RABGEF1: variants seen among roughly 807,000 people sequenced by gnomAD.
RABGEF1 encodes RAB guanine nucleotide exchange factor 1, also known as rab5 GDP/GTP exchange factor.
Under a neutral mutation model 57.3 loss-of-function variants are expected in RABGEF1, and 26 were observed. The ratio of observed to expected loss-of-function variants is 0.45; its 90% CI spans 0.33 to 0.63. RABGEF1 has a LOEUF of 0.63. RABGEF1 is among the 20% of genes least tolerant of loss of function. The pLI is 0.02. For synonymous variants in RABGEF1, 185 were observed against 210.7 expected, an observed-to-expected ratio of 0.88 and a Z score of 1.06; for missense variants, 464 against 607.6, an observed-to-expected ratio of 0.76 and a Z score of 2.48.
intron 1 of RABGEF1, among the ~76,000 whole-genome samples, chr7:66,744,440 A>G (rs1799729624): frequency 2.0e-5 from 3 of 151,702 alleles, no homozygotes; most frequent in African/African-American, 4.8e-5. Context: ...AGGCTGAGGC[A>G]GGCGGATCAC....
intron 1 of RABGEF1, among the ~76,000 whole-genome samples, chr7:66,705,695 G>GTT (rs1439855354): frequency 7.0e-6 from 1 of 142,072 alleles, no homozygotes; most frequent in Non-Finnish European, 1.5e-5. Context: ...AGATACAAGT[G>GTT]TTTTTTTTTT....
chr7:66,793,917 C>T (rs1034248740), intron 4 of RABGEF1, among the ~76,000 whole-genome samples: 2 of 151,992 alleles, frequency 1.3e-5, no homozygotes, highest in African/African-American at 4.8e-5. Context: ...TGTGACAGCC[C>T]GTCCTGGGGG....
chr7:66,805,018 A>T, intron 7 of RABGEF1, 122 bp from the exon 8 acceptor site: 1 of 1,114,324 alleles, frequency 9.0e-7, no homozygotes, highest in Non-Finnish European at 1.3e-6. Context: ...ATACTAAGTT[A>T]ACTGCTGGAA....
At chr7:66,674,207 T>G in the RABGEF1 span, among the ~76,000 whole-genome samples, 1 of 151,764 alleles carries the variant, frequency 6.6e-6, no homozygotes, top group African/African-American at 2.4e-5. Flanking sequence ...TTTTTTTTTT[T>G]GTGATGGAGT....
chr7:66,672,559 T>C, the RABGEF1 span, among the ~76,000 whole-genome samples: 1 of 152,220 alleles, frequency 6.6e-6, no homozygotes, highest in African/African-American at 2.4e-5. Flanking sequence ...TAATTATAGC[T>C]GCTGCACAGG....
chr7:66,668,637 T>G, the RABGEF1 span: 2 of 152,274 alleles, frequency 1.3e-5, no homozygotes, highest in Non-Finnish European at 2.9e-5. Context: ...CTTAGGAAGC[T>G]ACCAGAAAGA....
chr7:66,792,460 C>T (rs1812940954), intron 4 of RABGEF1, among the ~76,000 whole-genome samples: 1 of 152,140 alleles, frequency 6.6e-6, no homozygotes, highest in African/African-American at 2.4e-5. Context: ...TGTGCTTATC[C>T]CCGAGTATCT....
chr7:66,795,968 G>A (rs1408157681), intron 5 of RABGEF1, among the ~76,000 whole-genome samples: 1 of 151,986 alleles, frequency 6.6e-6, no homozygotes, highest in African/African-American at 2.4e-5. Flanking sequence ...GTGAAACCCC[G>A]CCTCTATTAA....
chr7:66,771,232 A>G (rs1448181597), intron 1 of RABGEF1, among the ~76,000 whole-genome samples: 3 of 152,064 alleles, frequency 2.0e-5, no homozygotes, highest in Non-Finnish European at 2.9e-5. Context: ...TCTGCCTCCC[A>G]GGTTCACGTG....
chr7:66,772,100 C>T (rs376944660), intron 2 of RABGEF1, 22 bp downstream of exon 2: 31 of 1,452,352 alleles, frequency 2.1e-5, no homozygotes, highest in Admixed American at 1.0e-4. Context: ...TAACTAGGGG[C>T]GGTTGAACAG....
At chr7:66,802,827 A>G (rs933268786) in intron 7 of RABGEF1, among the ~76,000 whole-genome samples, 1 of 152,246 alleles carries the variant, frequency 6.6e-6, no homozygotes, top group African/African-American at 2.4e-5. Context: ...CCACACATCC[A>G]GATAAAACAT....
At chr7:66,764,391 TG>T (rs201344265) in intron 1 of RABGEF1, among the ~76,000 whole-genome samples, 35,719 of 152,130 alleles carry the variant, frequency 0.23, 4,359 homozygotes, top group East Asian at 0.31. Context: ...GACTTGCAAA[TG>T]TTTTCTCTTA....
chr7:66,729,293 C>G (rs1035626074), intron 2 of RABGEF1, among the ~76,000 whole-genome samples: 1 of 151,854 alleles, frequency 6.6e-6, no homozygotes, highest in African/African-American at 2.4e-5. Context: ...ATCCTCCCCT[C>G]CATCCTCCCC....
chr7:66,791,573 A>G (rs1434113644), intron 4 of RABGEF1, among the ~76,000 whole-genome samples: 1 of 152,352 alleles, frequency 6.6e-6, no homozygotes, highest in East Asian at 1.9e-4. Context: ...AACCCATAAA[A>G]TAGAATGTGG....
chr7:66,665,930 G>A, the RABGEF1 span, among the ~76,000 whole-genome samples: 8 of 152,340 alleles, frequency 5.3e-5, no homozygotes, highest in East Asian at 3.9e-4. Flanking sequence ...GGGACTGCAC[G>A]GACCAGGTGG....
intron 2 of RABGEF1, among the ~76,000 whole-genome samples, chr7:66,720,527 CAAACT>C (rs1207721871): frequency 6.7e-6 from 1 of 150,226 alleles, no homozygotes; most frequent in African/African-American, 2.4e-5. Flanking sequence ...AAAAAATCAG[CAAACT>C]AAATATAAAA....
At chr7:66,677,876 G>A (rs1789397324), upstream of RABGEF1, among the ~76,000 whole-genome samples, 2 of 151,550 alleles carry the variant, frequency 1.3e-5, no homozygotes, top group Non-Finnish European at 2.9e-5. Flanking sequence ...GACCAGCCTG[G>A]CAACATGGCA....
chr7:66,673,546 T>C, the RABGEF1 span, among the ~76,000 whole-genome samples: 2 of 150,730 alleles, frequency 1.3e-5, no homozygotes, highest in East Asian at 1.9e-4. Flanking sequence ...CCCAATGTCA[T>C]TGAGAGGATT....
chr7:66,706,657 G>T (rs917139271), intron 1 of RABGEF1, among the ~76,000 whole-genome samples: 7 of 149,954 alleles, frequency 4.7e-5, no homozygotes, highest in Non-Finnish European at 7.4e-5. Context: ...CTCATGATCC[G>T]CCCGCCTCGG....
Sources: gnomAD v4.1 joint callset for allele counts (sites outside exome capture counted in the v4.1 genomes callset) on GRCh38, gnomAD v4.1.1 for gene constraint, MANE v1.5 for transcripts, NCBI Gene and HGNC (gene_info 2026-07-23, HGNC 2026-07-21) for gene names.